The following CHSY3 variants were observed in gnomAD, a reference collection of about 807,000 sequenced individuals.
The protein encoded by CHSY3 is chondroitin sulfate synthase 3.
A neutral mutation model predicts 67.2 loss-of-function variants in CHSY3; 35 were observed. The observed-to-expected ratio is 0.52, with a 90% CI of 0.40 to 0.69. The LOEUF is 0.69. Among genes scored for constraint, CHSY3 ranks in the 30% least tolerant of loss-of-function variants. The pLI is 0.00. For missense variants in CHSY3, 1,069 were observed against 1,138.5 expected (o/e 0.94, Z 0.88); for synonymous variants, 474 against 434.7 (o/e 1.09, Z -1.12).
At chr5:130,031,343 T>G (rs1036472500) in intron 2 of CHSY3, among the ~76,000 whole-genome samples, 1 of 152,106 alleles carries the variant, frequency 6.6e-6, no homozygotes, top group African/African-American at 2.4e-5. Context: ...CATACTTTAA[T>G]GGATTTTATG....
intron 2 of CHSY3, among the ~76,000 whole-genome samples, chr5:130,170,414 C>T (rs1769867232): frequency 6.6e-6 from 1 of 152,108 alleles, no homozygotes; most frequent in Non-Finnish European, 1.5e-5. Context: ...GATTCCATGA[C>T]TTTGCTATTG....
intron 2 of CHSY3, among the ~76,000 whole-genome samples, chr5:129,925,399 A>G (rs1448935166): frequency 6.6e-6 from 1 of 152,116 alleles, no homozygotes; most frequent in Non-Finnish European, 1.5e-5. Context: ...CAGCTGAATG[A>G]TCTGCCTTAT....
At chr5:129,938,261 A>G (rs928764223) in intron 2 of CHSY3, among the ~76,000 whole-genome samples, 8 of 152,278 alleles carry the variant, frequency 5.3e-5, no homozygotes, top group African/African-American at 1.4e-4. Flanking sequence ...CTATGAAACC[A>G]TTCTTCCGCC....
intron 2 of CHSY3, among the ~76,000 whole-genome samples, chr5:129,920,039 C>T (rs1050894287): frequency 6.6e-6 from 1 of 152,050 alleles, no homozygotes; most frequent in Non-Finnish European, 1.5e-5. Flanking sequence ...GCAACAGATT[C>T]AATTAAAAAA....
intron 2 of CHSY3, among the ~76,000 whole-genome samples, chr5:130,028,431 G>A (rs1353351115): frequency 6.6e-6 from 1 of 152,076 alleles, no homozygotes; most frequent in Non-Finnish European, 1.5e-5. Flanking sequence ...TTTAATAAAT[G>A]GTGCTTGGAA....
rs150268394 is a variant in CHSY3 at position 130,006,456 on chromosome 5, C to T, written c.1086+98096C>T. 5.8e-4 allele frequency among the ~76,000 whole-genome samples: 88 copies of T among 152,184 alleles called. 2 individuals carry two copies. In the East Asian group the frequency reaches 0.014, roughly 25 times the overall value. On this transcript the variant is annotated intron_variant, in intron 2 of 2. Coordinates refer to ENST00000305031, the MANE Select transcript of CHSY3 (RefSeq NM_175856.5). ...CTGTGTCAGATAATCAGAGGGTGAGCTCTGTGATGATCTGGGTTGAGGTAA... is the reference window on the plus strand; with the variant it reads ...CTGTGTCAGATAATCAGAGGGTGAGTTCTGTGATGATCTGGGTTGAGGTAA...
chr5:129,929,109 A>G (rs183585141), intron 2 of CHSY3, among the ~76,000 whole-genome samples: 2 of 152,318 alleles, frequency 1.3e-5, no homozygotes, highest in Admixed American at 6.5e-5. Context: ...AAGTATATAT[A>G]ATATAAGGAA....
chr5:130,060,617 G>A (rs933343018), intron 2 of CHSY3, among the ~76,000 whole-genome samples: 2 of 152,102 alleles, frequency 1.3e-5, no homozygotes, highest in African/African-American at 4.8e-5. Flanking sequence ...GAGAATAAGT[G>A]AAAGTATCTG....
At chr5:130,176,758 T>G (rs1237246215) in intron 2 of CHSY3, among the ~76,000 whole-genome samples, 1 of 151,922 alleles carries the variant, frequency 6.6e-6, no homozygotes, top group Admixed American at 6.6e-5. Context: ...AACCAAACAT[T>G]GCATGTTCTC....
intron 2 of CHSY3, among the ~76,000 whole-genome samples, chr5:130,014,812 C>A (rs1764170642): frequency 6.6e-6 from 1 of 152,106 alleles, no homozygotes; most frequent in Non-Finnish European, 1.5e-5. Flanking sequence ...AATTTCATGA[C>A]AAAGACTCCC....
chr5:130,171,102 TA>T (rs1033923149), intron 2 of CHSY3, among the ~76,000 whole-genome samples: 4 of 152,122 alleles, frequency 2.6e-5, no homozygotes, highest in African/African-American at 9.6e-5. Context: ...AGTGAGTACT[TA>T]AAATGTTTAG....
At chr5:130,070,277 A>G (rs1766015658) in intron 2 of CHSY3, among the ~76,000 whole-genome samples, 1 of 152,134 alleles carries the variant, frequency 6.6e-6, no homozygotes, top group South Asian at 2.1e-4. Flanking sequence ...ATTCATTGTC[A>G]TAAAATGTTA....
chr5:130,134,565 G>A (rs1417837387), intron 2 of CHSY3, among the ~76,000 whole-genome samples: 2 of 152,110 alleles, frequency 1.3e-5, no homozygotes, highest in Non-Finnish European at 2.9e-5. Context: ...TGAGAGGAGA[G>A]ACTTAGTTTG....
chr5:129,905,878 T>A, intron 1 of CHSY3: 1 of 816,662 alleles, frequency 1.2e-6, no homozygotes. Context: ...CTTGCTGTTT[T>A]CGGTGCCGCC....
At chr5:129,926,756 AT>A (rs946381515) in intron 2 of CHSY3, among the ~76,000 whole-genome samples, 8 of 151,900 alleles carry the variant, frequency 5.3e-5, no homozygotes, top group African/African-American at 1.9e-4. Context: ...CTGATGACAT[AT>A]TTTATAGTTT....
intron 2 of CHSY3, among the ~76,000 whole-genome samples, chr5:129,992,449 A>C (rs1377044740): frequency 1.3e-5 from 2 of 152,186 alleles, no homozygotes; most frequent in Non-Finnish European, 2.9e-5. Flanking sequence ...TTAATTACCA[A>C]AGCATGCTGA....
intron 2 of CHSY3, among the ~76,000 whole-genome samples, chr5:130,010,735 T>C (rs1362507799): frequency 2.0e-5 from 3 of 151,870 alleles, no homozygotes; most frequent in East Asian, 1.9e-4. Context: ...GATAGACCAC[T>C]AGGTAGACAA....
At chr5:130,037,752 A>G (rs1398404777) in intron 2 of CHSY3, among the ~76,000 whole-genome samples, 2 of 152,106 alleles carry the variant, frequency 1.3e-5, no homozygotes, top group African/African-American at 4.8e-5. Flanking sequence ...AATATTCCTC[A>G]AAGTGCCTAG....
At chr5:130,091,725 C>T (rs1377885333) in intron 2 of CHSY3, among the ~76,000 whole-genome samples, 3 of 152,078 alleles carry the variant, frequency 2.0e-5, no homozygotes, top group South Asian at 2.1e-4. Context: ...TCTAGCAATG[C>T]GTTATATTTA....
Sources: allele counts gnomAD v4.1 joint callset (sites outside exome capture counted in the v4.1 genomes callset), GRCh38; gene constraint gnomAD v4.1.1; transcripts MANE v1.5; gene names NCBI Gene and HGNC (gene_info 2026-07-23, HGNC 2026-07-21).